The following PTPRD variants were observed in gnomAD, a reference collection of about 807,000 sequenced individuals.
PTPRD encodes protein tyrosine phosphatase receptor type D, also known as receptor-type tyrosine-protein phosphatase delta.
Under a neutral mutation model 214.5 loss-of-function variants are expected in PTPRD, and 34 were observed. The ratio of observed to expected loss-of-function variants is 0.16; its 90% CI spans 0.12 to 0.21. PTPRD has a LOEUF of 0.21. Among genes scored for constraint, PTPRD ranks in the 10% least tolerant of loss-of-function variants. The pLI is 1.00. For synonymous variants in PTPRD, 1,128 were observed against 845.7 expected (o/e 1.33, Z -5.79); for missense variants, 2,545 against 2,398.7 (o/e 1.06, Z -1.27).
chr9:8,876,735 G>A (rs1419169236), intron 11 of PTPRD, among the ~76,000 whole-genome samples: 1 of 152,104 alleles, frequency 6.6e-6, no homozygotes, highest in Non-Finnish European at 1.5e-5. Context: ...CAAGTGACCA[G>A]GTACCCTTTG....
intron 9 of PTPRD, among the ~76,000 whole-genome samples, chr9:9,331,034 C>A (rs1472675506): frequency 1.3e-5 from 2 of 151,686 alleles, no homozygotes; most frequent in Admixed American, 1.3e-4. Context: ...AAATCCTGGG[C>A]AAACTTGCTC....
At chr9:8,538,658 A>T (rs1215116159) in intron 14 of PTPRD, among the ~76,000 whole-genome samples, 3 of 151,304 alleles carry the variant, frequency 2.0e-5, no homozygotes, top group East Asian at 1.9e-4. Context: ...TATACTATAC[A>T]TATTTTAAAT....
chr9:8,641,690 A>C (rs1285133084), intron 12 of PTPRD, among the ~76,000 whole-genome samples: 1 of 152,242 alleles, frequency 6.6e-6, no homozygotes, highest in East Asian at 1.9e-4. Flanking sequence ...GGATGCATTC[A>C]CAACACAGGC....
At chr9:10,150,788 T>C (rs1197319933) in intron 3 of PTPRD, among the ~76,000 whole-genome samples, 1 of 152,066 alleles carries the variant, frequency 6.6e-6, no homozygotes, top group East Asian at 1.9e-4. Context: ...AAACATGATG[T>C]AGTTTCCCTC....
chr9:9,351,750 T>A (rs1480521899), intron 9 of PTPRD, among the ~76,000 whole-genome samples: 1 of 152,024 alleles, frequency 6.6e-6, no homozygotes, highest in Non-Finnish European at 1.5e-5. Flanking sequence ...TGCCAAAGAT[T>A]ATAAGGGTCA....
At chr9:10,075,385 A>G (rs1042911183) in intron 3 of PTPRD, among the ~76,000 whole-genome samples, 14 of 152,074 alleles carry the variant, frequency 9.2e-5, no homozygotes, top group African/African-American at 2.9e-4. Flanking sequence ...CAACTATGAA[A>G]GTAATTTACT....
intron 11 of PTPRD, among the ~76,000 whole-genome samples, chr9:8,750,440 G>A (rs938439472): frequency 4.0e-5 from 6 of 151,840 alleles, no homozygotes; most frequent in African/African-American, 7.3e-5. Flanking sequence ...TTACAGGCAT[G>A]AGCCACCATG....
intron 5 of PTPRD, among the ~76,000 whole-genome samples, chr9:9,835,434 C>T (rs991543182): frequency 6.6e-6 from 1 of 152,040 alleles, no homozygotes; most frequent in African/African-American, 2.4e-5. Flanking sequence ...GGTGGCAGTG[C>T]AAGAATCTCT....
At chr9:10,132,148 G>A (rs115036012) in intron 3 of PTPRD, among the ~76,000 whole-genome samples, 47 of 152,016 alleles carry the variant, frequency 3.1e-4, no homozygotes, top group African/African-American at 1.1e-3. Context: ...TTAAGACATT[G>A]GGTAATTTGT....
intron 10 of PTPRD, among the ~76,000 whole-genome samples, chr9:9,029,926 G>A (rs1430190949): frequency 1.3e-5 from 2 of 152,018 alleles, no homozygotes; most frequent in Non-Finnish European, 2.9e-5. Flanking sequence ...AAGGGTGACA[G>A]CACGATTTCA....
At chr9:10,114,143 A>G (rs868754621) in intron 3 of PTPRD, among the ~76,000 whole-genome samples, 34 of 152,202 alleles carry the variant, frequency 2.2e-4, no homozygotes, top group Admixed American at 2.0e-4. Context: ...AAAGGTGGAA[A>G]GAACAGCAGT....
intron 11 of PTPRD, among the ~76,000 whole-genome samples, chr9:8,806,408 C>G (rs1216209817): frequency 6.6e-6 from 1 of 152,088 alleles, no homozygotes; most frequent in Non-Finnish European, 1.5e-5. Context: ...GAAAAAAACA[C>G]AACCAATATT....
At chr9:9,369,659 G>C (rs941155325) in intron 9 of PTPRD, among the ~76,000 whole-genome samples, 2 of 151,970 alleles carry the variant, frequency 1.3e-5, no homozygotes, top group Non-Finnish European at 1.5e-5. Context: ...CATTGCTTTT[G>C]GTGTTTTAGA....
chr9:8,660,028 C>T (rs1221098604), intron 12 of PTPRD, among the ~76,000 whole-genome samples: 3 of 152,184 alleles, frequency 2.0e-5, no homozygotes, highest in Non-Finnish European at 4.4e-5. Context: ...TGGAGACACC[C>T]TCTGTTCCTC....
intron 9 of PTPRD, among the ~76,000 whole-genome samples, chr9:9,261,197 G>A (rs369927108): frequency 6.6e-6 from 1 of 151,804 alleles, no homozygotes; most frequent in African/African-American, 2.4e-5. Context: ...CATGGGAAAT[G>A]AAATATAATA....
intron 2 of PTPRD, among the ~76,000 whole-genome samples, chr9:10,577,141 A>G (rs1325035879): frequency 1.3e-5 from 2 of 152,122 alleles, no homozygotes; most frequent in African/African-American, 4.8e-5. Context: ...ACTTTTATGG[A>G]AAGAAATAAA....
intron 2 of PTPRD, among the ~76,000 whole-genome samples, chr9:10,418,379 T>C (rs1295713708): frequency 1.3e-5 from 2 of 151,124 alleles, no homozygotes; most frequent in African/African-American, 4.9e-5. Context: ...GAAAGTAGGA[T>C]TCCATTGTGA....
chr9:10,596,186 G>A (rs1167420028), intron 2 of PTPRD, among the ~76,000 whole-genome samples: 3 of 151,740 alleles, frequency 2.0e-5, no homozygotes, highest in Non-Finnish European at 4.4e-5. Flanking sequence ...CTCACGTTCA[G>A]TAATCCAGTA....
rs552348567 is a variant in PTPRD, at chr9:9,578,419, A to T, written c.-286-3638T>A. Among the ~76,000 whole-genome samples the T allele has an allele frequency of 7.0e-4, 107 of 152,260 alleles. No individual in the cohort carries two copies. The South Asian group carries it at 7.9e-3, about 11-fold the overall frequency. ...CATCTTAGATGGTGATTTCTTCCTC[A>T]TTAAAAAGAATTAGAGTGCATTACT... On this transcript the variant is annotated intron_variant, in intron 7 of 45. Coordinates refer to ENST00000381196, the MANE Select transcript of PTPRD (RefSeq NM_002839.4).
Sources: allele counts gnomAD v4.1 joint callset (sites outside exome capture counted in the v4.1 genomes callset), GRCh38; gene constraint gnomAD v4.1.1; transcripts MANE v1.5; gene names NCBI Gene and HGNC (gene_info 2026-07-23, HGNC 2026-07-21).